Variants in PLS3 observed in about 807,000 individuals in gnomAD.
The protein encoded by PLS3 is plastin-3.
A neutral mutation model predicts 46.5 loss-of-function variants in PLS3; 11 were observed. The observed-to-expected ratio is 0.24, with a 90% CI of 0.15 to 0.39. PLS3 has a LOEUF of 0.39. Ranked by LOEUF, PLS3 falls within the 10% of genes least tolerant of loss-of-function variation. The probability of loss-of-function intolerance (pLI) is 1.00; values close to 1 mark genes in which losing one functional copy is unlikely to be tolerated. For missense variants in PLS3, 308 were observed against 461.8 expected (o/e 0.67, Z 3.05); for synonymous variants, 167 against 162.2 (o/e 1.03, Z -0.22).
rs782706116 is a variant in PLS3, at chrX:115,636,952, A to C, written c.865A>C (p.Ile289Leu). ...FHLENSGWQKINNFSADIKDS... is the reference protein window; with the variant it reads ...FHLENSGWQKLNNFSADIKDS... ...TTTGGAAAACTCGGGCTGGCAAAAA[A>C]TTAACAACTTTAGTGCTGACATCAA... The change falls in exon 8 of 16, where the codon ATT becomes CTT. Residue 289 changes from isoleucine to leucine, a missense_variant. Transcript: ENST00000355899. 4 of 1,210,695 alleles carry C rather than the reference A, an allele frequency of 3.3e-6. No individual in the cohort carries two copies. The South Asian group carries it at 7.0e-5, about 21-fold the overall frequency.
intron 1 of PLS3, among the ~76,000 whole-genome samples, chrX:115,589,135 T>C (rs1351611564): frequency 9.1e-6 from 1 of 110,484 alleles, no homozygotes; most frequent in African/African-American, 3.3e-5. Flanking sequence ...GCCCAGCTAA[T>C]TTTTTTGTAT....
intron 1 of PLS3, among the ~76,000 whole-genome samples, chrX:115,581,245 T>A (rs1026805509): frequency 1.8e-5 from 2 of 111,904 alleles, no homozygotes; most frequent in African/African-American, 6.5e-5. Context: ...GGTTTACCTT[T>A]TGTGTTATCC....
At chrX:115,575,567 C>A (rs946317279) in intron 1 of PLS3, among the ~76,000 whole-genome samples, 8 of 111,720 alleles carry the variant, frequency 7.2e-5, no homozygotes, top group East Asian at 2.8e-4. Flanking sequence ...CCTCAGCCTC[C>A]CAAGTAGCTG....
At chrX:115,586,173 C>CG (rs1569526603) in intron 1 of PLS3, among the ~76,000 whole-genome samples, 1 of 106,021 alleles carries the variant, frequency 9.4e-6, no homozygotes, top group Admixed American at 1.0e-4. Flanking sequence ...TTACCGGAGA[C>CG]GGGGTTTCTC....
At chrX:115,563,315 G>A (rs2074151984) in intron 1 of PLS3, among the ~76,000 whole-genome samples, 1 of 111,871 alleles carries the variant, frequency 8.9e-6, no homozygotes, top group Non-Finnish European at 1.9e-5. Context: ...CACAAAAACA[G>A]TGGATAGTAA....
At position 115,622,420 on chromosome X, in the gene PLS3, G is replaced by A; in HGVS notation, c.237+11G>A. ...GACGAATTTGTTTATGTAAGTATGT[G>A]AAAATTCACAATTATTAGAAGTAGT... On this transcript the variant is annotated intron_variant, in intron 3 of 15. Coordinates refer to ENST00000355899, the MANE Select transcript of PLS3 (RefSeq NM_005032.7). 1 of 1,098,937 alleles carries A rather than the reference G, an allele frequency of 9.1e-7. No individual in the cohort carries two copies. The highest frequency in any genetic ancestry group is 2.3e-5 in the Admixed American group (1 of 43,839). 90.6% of individuals were successfully genotyped at this position (1,098,937 alleles called of 1,213,427 possible).
chrX:115,571,930 C>T (rs1476848557), intron 1 of PLS3, among the ~76,000 whole-genome samples: 2 of 111,823 alleles, frequency 1.8e-5, no homozygotes, highest in Admixed American at 9.5e-5. Context: ...AGGCTATTGA[C>T]ACATTCAGAA....
intron 2 of PLS3, among the ~76,000 whole-genome samples, chrX:115,619,077 C>A (rs1906145372): frequency 8.9e-6 from 1 of 111,928 alleles, no homozygotes; most frequent in Non-Finnish European, 1.9e-5. Context: ...ATATGCGTTA[C>A]TATTCTATCT....
At chrX:115,579,722 A>G (rs2074269252) in intron 1 of PLS3, among the ~76,000 whole-genome samples, 1 of 111,254 alleles carries the variant, frequency 9.0e-6, no homozygotes, top group African/African-American at 3.3e-5. Context: ...ATGTCTGTTC[A>G]TGTCTTTTAC....
intron 5 of PLS3, among the ~76,000 whole-genome samples, chrX:115,632,673 G>C (rs782246174): frequency 1.8e-5 from 2 of 110,082 alleles, no homozygotes; most frequent in Non-Finnish European, 1.9e-5. Context: ...TAATTTTACT[G>C]TTTTGTGGAA....
chrX:115,632,969 C>G (rs2074793034), intron 5 of PLS3, among the ~76,000 whole-genome samples: 1 of 110,683 alleles, frequency 9.0e-6, no homozygotes, highest in African/African-American at 3.3e-5. Flanking sequence ...CTCTTGAGCT[C>G]AAGCAATCTG....
At chrX:115,606,278 C>T (rs1279338956) in intron 1 of PLS3, among the ~76,000 whole-genome samples, 1 of 93,513 alleles carries the variant, frequency 1.1e-5, no homozygotes. Context: ...GCTGGGATTA[C>T]AGGCACGCAC....
At chrX:115,616,545 G>C (rs1208966599) in intron 2 of PLS3, among the ~76,000 whole-genome samples, 3 of 112,180 alleles carry the variant, frequency 2.7e-5, no homozygotes, top group Non-Finnish European at 3.8e-5. Flanking sequence ...ACTAAAAGTT[G>C]TGAGCACCTG....
chrX:115,579,775 C>T (rs191091820), intron 1 of PLS3, among the ~76,000 whole-genome samples: 18 of 111,606 alleles, frequency 1.6e-4, no homozygotes, highest in Admixed American at 1.1e-3. Context: ...CTCTGTTGCC[C>T]GGGCTGGAGT....
At chrX:115,599,085 C>T (rs782273909) in intron 1 of PLS3, among the ~76,000 whole-genome samples, 2 of 110,948 alleles carry the variant, frequency 1.8e-5, no homozygotes, top group Non-Finnish European at 3.8e-5. Flanking sequence ...TCTTATTTCT[C>T]GATATCATGG....
intron 2 of PLS3, among the ~76,000 whole-genome samples, chrX:115,619,079 A>G (rs1049030784): frequency 1.5e-4 from 17 of 111,959 alleles, no homozygotes; most frequent in African/African-American, 4.5e-4. Context: ...ATGCGTTACT[A>G]TTCTATCTCC....
intron 2 of PLS3, among the ~76,000 whole-genome samples, chrX:115,615,487 C>CAG (rs72382307): frequency 0.1 from 7,584 of 73,639 alleles, 425 homozygotes; most frequent in African/African-American, 0.13. Context: ...CACGTGTCAT[C>CAG]AGAGAGAGAG....
intron 1 of PLS3, among the ~76,000 whole-genome samples, chrX:115,609,003 G>A (rs1221710573): frequency 9.1e-6 from 1 of 109,995 alleles, no homozygotes; most frequent in East Asian, 2.8e-4. Flanking sequence ...GGGAGACCGA[G>A]GCGGGAGGAT....
At chrX:115,587,259 G>A (rs781959515) in intron 1 of PLS3, among the ~76,000 whole-genome samples, 80 of 112,159 alleles carry the variant, frequency 7.1e-4, no homozygotes, top group African/African-American at 2.1e-3. Context: ...ACTTGATGAA[G>A]CAGGAAAAAA....
Sources: gnomAD v4.1 joint callset for allele counts (sites outside exome capture counted in the v4.1 genomes callset) on GRCh38, gnomAD v4.1.1 for gene constraint, MANE v1.5 for transcripts, NCBI Gene and HGNC (gene_info 2026-07-23, HGNC 2026-07-21) for gene names.